Variants in GUCY1A2 observed in about 807,000 individuals in gnomAD.
GUCY1A2 encodes guanylate cyclase soluble subunit alpha-2.
Under a neutral mutation model 63.5 loss-of-function variants are expected in GUCY1A2, and 27 were observed. The observed-to-expected ratio is 0.43, with a 90% CI of 0.31 to 0.59. The LOEUF (loss-of-function observed/expected upper bound fraction) is 0.59, where lower values mean the gene tolerates loss of function less well. GUCY1A2 is among the 20% of genes least tolerant of loss of function. The pLI is 0.11. For synonymous variants in GUCY1A2, 364 were observed against 343.5 expected, an observed-to-expected ratio of 1.06 and a Z score of -0.66; for missense variants, 768 against 913.3, an observed-to-expected ratio of 0.84 and a Z score of 2.05.
At chr11:106,781,287 T>C (rs1864458848) in intron 5 of GUCY1A2, among the ~76,000 whole-genome samples, 1 of 152,140 alleles carries the variant, frequency 6.6e-6, no homozygotes, top group African/African-American at 2.4e-5. Context: ...TGGGTAAGAA[T>C]AAAGATGGCT....
chr11:106,767,015 C>T (rs1277333093), intron 6 of GUCY1A2, among the ~76,000 whole-genome samples: 1 of 152,080 alleles, frequency 6.6e-6, no homozygotes, highest in Non-Finnish European at 1.5e-5. Context: ...GGAAGTCTCA[C>T]ACTTCTAAAG....
In GUCY1A2 at chr11:107,010,750, A is replaced by G. The variant is rs113123152; in HGVS notation, c.303+7003T>C. On this transcript the variant is annotated intron_variant, in intron 1 of 7. Transcript: ENST00000526355. Reference sequence around the variant, plus strand: ...GAGCACTTTTTTTTTACTTTTTTTGAGATGGAGTATTCCTCTGTCACCCAG... The same window carrying G: ...GAGCACTTTTTTTTTACTTTTTTTGGGATGGAGTATTCCTCTGTCACCCAG... Among the ~76,000 whole-genome samples the G allele has an allele frequency of 2.1e-3, 327 of 152,168 alleles. 1 individual carries two copies. Among genetic ancestry groups the G allele is most frequent in the African/African-American group, 7.7e-3 (319 of 41,526 alleles).
intron 1 of GUCY1A2, among the ~76,000 whole-genome samples, chr11:107,005,644 T>C (rs1165897398): frequency 6.6e-6 from 1 of 152,196 alleles, no homozygotes; most frequent in Admixed American, 6.5e-5. Context: ...GTATATGGAA[T>C]ATATGCTGAA....
intron 7 of GUCY1A2, among the ~76,000 whole-genome samples, chr11:106,697,575 G>A (rs1296579657): frequency 2.6e-5 from 4 of 151,838 alleles, no homozygotes; most frequent in Admixed American, 1.3e-4. Context: ...TACCATATAC[G>A]AACAAACAAT....
chr11:106,764,970 T>TTTG (rs148342255), intron 6 of GUCY1A2, among the ~76,000 whole-genome samples: 2 of 92,336 alleles, frequency 2.2e-5, no homozygotes, highest in African/African-American at 7.9e-5. Flanking sequence ...CAGATTTTTT[T>TTTG]GGGGGGGGGT....
intron 2 of GUCY1A2, among the ~76,000 whole-genome samples, chr11:106,985,828 T>C (rs1246519805): frequency 6.6e-6 from 1 of 151,840 alleles, no homozygotes; most frequent in Non-Finnish European, 1.5e-5. Context: ...ATGAGAAGAC[T>C]GAGAAAAAAA....
Position 106,952,168 on chromosome 11 carries a change from G to T in GUCY1A2, c.488-11990C>A, listed in dbSNP as rs527771391. Among the ~76,000 whole-genome samples, 21 of 152,256 alleles carry T rather than the reference G, an allele frequency of 1.4e-4. No individual in the cohort carries two copies. The East Asian group carries it at 1.7e-3, about 13-fold the overall frequency. ...TCGTAGTATACTTTGAAGTCAGGTA[G>T]CATGAGGTCTCCAGCTTTGTTCTTT... On this transcript the variant is annotated intron_variant, in intron 3 of 7. Transcript: ENST00000526355.
intron 4 of GUCY1A2, among the ~76,000 whole-genome samples, chr11:106,908,801 G>C (rs1275507569): frequency 7.9e-5 from 12 of 151,920 alleles, no homozygotes; most frequent in Non-Finnish European, 2.9e-5. Context: ...GAAATCCTTT[G>C]GCAATTACAT....
chr11:106,780,414 A>G (rs909349023), intron 5 of GUCY1A2, among the ~76,000 whole-genome samples: 1 of 152,190 alleles, frequency 6.6e-6, no homozygotes, highest in African/African-American at 2.4e-5. Flanking sequence ...AATTAGCAAC[A>G]GTGTATTTCT....
At chr11:106,985,417 CA>C (rs1184741316) in intron 2 of GUCY1A2, among the ~76,000 whole-genome samples, 4 of 152,188 alleles carry the variant, frequency 2.6e-5, no homozygotes, top group Non-Finnish European at 5.9e-5. Flanking sequence ...TCTCTGTTTA[CA>C]AAATGCTTTC....
chr11:106,863,756 C>T (rs956442377), intron 4 of GUCY1A2, among the ~76,000 whole-genome samples: 36 of 152,028 alleles, frequency 2.4e-4, no homozygotes, highest in Non-Finnish European at 5.9e-5. Flanking sequence ...ATTGATTCTT[C>T]CTATCCACGA....
Position 106,677,906 on chromosome 11 carries a change from C to G in GUCY1A2, c.*9643G>C, listed in dbSNP as rs189645972. ...AGCCAGGTAATCATTTGGATTTTAG[C>G]AGGAGAATTTTTTTTAGACAGAATA... On this transcript the variant is annotated 3_prime_UTR_variant, in exon 8 of 8. Transcript: ENST00000526355. 48 of 200,800 alleles carry G rather than the reference C, an allele frequency of 2.4e-4. No individual in the cohort carries two copies. Among genetic ancestry groups the G allele is most frequent in the Middle Eastern group, 3.5e-3 (2 of 578 alleles). 12.4% of individuals were successfully genotyped at this position (200,800 alleles called of 1,614,324 possible).
chr11:106,849,276 A>G (rs1343147121), intron 4 of GUCY1A2, among the ~76,000 whole-genome samples: 1 of 151,278 alleles, frequency 6.6e-6, no homozygotes, highest in Non-Finnish European at 1.5e-5. Flanking sequence ...AACTTTAAAA[A>G]GCTTTCGTCT....
intron 4 of GUCY1A2, among the ~76,000 whole-genome samples, chr11:106,879,801 G>C (rs1369292204): frequency 6.6e-6 from 1 of 151,938 alleles, no homozygotes. Context: ...TCTCTCTCCA[G>C]AGTCCCTTCA....
At chr11:106,715,466 A>T (rs1375026635) in intron 6 of GUCY1A2, among the ~76,000 whole-genome samples, 2 of 152,200 alleles carry the variant, frequency 1.3e-5, no homozygotes, top group East Asian at 3.8e-4. Context: ...CCCAAATTTA[A>T]GTGATGCCTC....
intron 1 of GUCY1A2, among the ~76,000 whole-genome samples, chr11:107,016,626 T>C (rs946363481): frequency 2.0e-5 from 3 of 152,124 alleles, no homozygotes; most frequent in Non-Finnish European, 4.4e-5. Context: ...AAGGGCCTAA[T>C]ATAAAGAAGC....
At chr11:106,736,147 T>C (rs1201383274) in intron 6 of GUCY1A2, among the ~76,000 whole-genome samples, 1 of 152,122 alleles carries the variant, frequency 6.6e-6, no homozygotes, top group African/African-American at 2.4e-5. Flanking sequence ...TGTGATCCTA[T>C]TGGTCCATTT....
At position 106,708,618 on chromosome 11, in the gene GUCY1A2, C is replaced by A. The variant is rs1165477501; in HGVS notation, c.1885G>T (p.Val629Leu). 1.2e-6 allele frequency: 2 copies of A among 1,611,908 alleles called. No individual in the cohort carries two copies. The highest frequency in any genetic ancestry group is 1.7e-6 in the Non-Finnish European group (2 of 1,178,876). The change falls in exon 7 of 8, where the codon GTG becomes TTG. Residue 629 changes from valine to leucine, a missense_variant. This residue lies in a region of GUCY1A2 where 150 missense variants were observed against 188.3 expected (regional missense o/e 0.80). Transcript: ENST00000526355. ...SGSVLAGVVG[V>L]RMPRYCLFGN... is the part of the protein sequence containing the mutation. ...AACAGGCAATAACGTGGCATTCGCA[C>A]CCCAACAACTCCAGCCAGCACGGAG...
chr11:106,938,602 G>C (rs1013743648), intron 4 of GUCY1A2, among the ~76,000 whole-genome samples: 1 of 152,030 alleles, frequency 6.6e-6, no homozygotes, highest in Non-Finnish European at 1.5e-5. Flanking sequence ...ACAAATTTCT[G>C]TCCTGGAAAT....
Sources: allele counts gnomAD v4.1 joint callset (sites outside exome capture counted in the v4.1 genomes callset), GRCh38; gene constraint gnomAD v4.1.1; regional missense constraint gnomAD v4.1.1; transcripts MANE v1.5; gene names NCBI Gene and HGNC (gene_info 2026-07-23, HGNC 2026-07-21).